The following PRCD variants were observed in gnomAD, a reference collection of about 807,000 sequenced individuals.
PRCD encodes photoreceptor disk component PRCD.
PRCD carries 12 observed loss-of-function variants against 10.1 expected under a neutral mutation model. The ratio of observed to expected loss-of-function variants is 1.18; its 90% CI spans 0.76 to 1.92. PRCD has a LOEUF of 1.92. Among genes scored for constraint, PRCD ranks in the 40% most tolerant of loss-of-function variants. The pLI is 0.00. For synonymous variants in PRCD, 31 were observed against 26.2 expected (o/e 1.18, Z -0.56); for missense variants, 61 against 72.2 (o/e 0.84, Z 0.56).
Position 76,531,110 on chromosome 17 carries a change from G to C in PRCD, n.45+3277G>C. 2 of 1,613,740 alleles carry C rather than the reference G, an allele frequency of 1.2e-6. No individual in the cohort carries two copies. Among genetic ancestry groups the C allele is most frequent in the Non-Finnish European group, 1.7e-6 (2 of 1,179,916 alleles). On this transcript the variant is annotated intron_variant and non_coding_transcript_variant, in intron 1 of 4. Coordinates refer to the PRCD transcript ENST00000397633. The surrounding 1 kb of genome is among the most constrained non-coding windows in gnomAD (Gnocchi z 7.4). ...GTGGGAAGTCACTGGCAAATTCCTC[G>C]GCGACCACCTCCAGAATGACCCCAG...
Position 76,540,664 on chromosome 17 carries a change from C to A in PRCD, c.143+91C>A. On this transcript the variant is annotated intron_variant, in intron 2 of 4. Coordinates refer to ENST00000592014, the MANE Select transcript of PRCD (RefSeq NM_001077620.3). This position sits in a 1 kb window ranked among gnomAD's most constrained non-coding sequence, Gnocchi z 5.0. ...GGGGGTGCACGTGTGTGCCTGTGCGCGCCTGTGCGTGCACCGTATCCTGGC... is the reference window on the plus strand; with the variant it reads ...GGGGGTGCACGTGTGTGCCTGTGCGAGCCTGTGCGTGCACCGTATCCTGGC... 6 of 1,314,462 alleles carry A rather than the reference C, an allele frequency of 4.6e-6. No individual in the cohort carries two copies. Among genetic ancestry groups the A allele is most frequent in the Non-Finnish European group, 6.5e-6 (6 of 919,656 alleles). The allele number at this position is 1,314,462 out of a possible 1,614,324, so 81.4% of individuals were successfully genotyped here.
At chr17:76,537,169 C>T (rs2074925300), upstream of PRCD, among the ~76,000 whole-genome samples, 1 of 152,226 alleles carries the variant, frequency 6.6e-6, no homozygotes. Flanking sequence ...AGGTGCTCTC[C>T]TGCATCTGGT....
Position 76,534,146 on chromosome 17 carries a change from T to TCTCTCTC in PRCD, n.45+6313_45+6314insCTCTCTC, listed in dbSNP as rs2074885915. On this transcript the variant is annotated intron_variant and non_coding_transcript_variant, in intron 1 of 4. Coordinates refer to the PRCD transcript ENST00000397633. ...TCTTTCTTTCTCTCTCTCTTTCTCT[T>TCTCTCTC]TCTCTCTCTCTCTCTCTCTCTCTCT... 1.3e-4 allele frequency among the ~76,000 whole-genome samples: 17 copies of TCTCTCTC among 129,012 alleles called. No homozygotes were observed. The South Asian group carries it at 1.7e-3, about 13-fold the overall frequency. The allele number at this position is 129,012 out of a possible 152,430, so 84.6% of individuals were successfully genotyped here.
chr17:76,545,366 A>G lies in PRCD; in HGVS notation c.*1716A>G, dbSNP rs1208030299. ...TAAATGGGGGAATTAAATCCTGACTATGACACTGTCCCCACTGAGGCTGAG... is the reference window on the plus strand; with the variant it reads ...TAAATGGGGGAATTAAATCCTGACTGTGACACTGTCCCCACTGAGGCTGAG... On this transcript the variant is annotated 3_prime_UTR_variant, in exon 5 of 5. Coordinates refer to ENST00000592014, the MANE Select transcript of PRCD (RefSeq NM_001077620.3). The G allele has an allele frequency of 6.6e-6, 3 of 456,624 alleles. No individual in the cohort carries two copies. Among genetic ancestry groups the G allele is most frequent in the Admixed American group, 4.7e-5 (2 of 42,578 alleles). 28.3% of individuals were successfully genotyped at this position (456,624 alleles called of 1,614,324 possible). A position where few individuals can be genotyped will look rare whatever the true frequency, so the allele number is the denominator to read the frequency against.
chr17:76,528,953 C>T lies in PRCD; in HGVS notation n.45+1120C>T, dbSNP rs138586195. The T allele has an allele frequency of 3.2e-4, 341 of 1,075,088 alleles. 3 individuals carry two copies. The African/African-American group carries it at 5.2e-3, about 16-fold the overall frequency. The allele number at this position is 1,075,088 out of a possible 1,614,324, so 66.6% of individuals were successfully genotyped here. ...TTTTTCCATTAATTCTGAAACGTGG[C>T]GCATTCTGTCCGGCCTGTCTCGTCC... is the stretch of plus-strand genomic sequence containing the variant. On this transcript the variant is annotated intron_variant and non_coding_transcript_variant, in intron 1 of 4. Coordinates refer to the PRCD transcript ENST00000397633. The surrounding 1 kb of genome is among the most constrained non-coding windows in gnomAD (Gnocchi z 5.8).
intron 2 of PRCD, among the ~76,000 whole-genome samples, chr17:76,541,320 C>T (rs917667088): frequency 6.6e-6 from 1 of 152,184 alleles, no homozygotes; most frequent in African/African-American, 2.4e-5. Flanking sequence ...TGAAGAGTGA[C>T]TTTTTTGCTC....
chr17:76,551,694 A>G (rs7207602), intron 1 of PRCD: 148,408 of 152,260 alleles, frequency 0.97, 72,449 homozygotes, highest in Middle Eastern at 1. Flanking sequence ...AATCCTCTAT[A>G]TTTTCATGAC....
rs556402580 is a variant in PRCD at position 76,528,170 on chromosome 17, A to G, written n.45+337A>G. On this transcript the variant is annotated intron_variant and non_coding_transcript_variant, in intron 1 of 4. Coordinates refer to the PRCD transcript ENST00000397633. The surrounding 1 kb of genome is among the most constrained non-coding windows in gnomAD (Gnocchi z 5.8). The stretch of plus-strand genomic sequence containing the variant: ...TATATATAGCTCGTATATAGAATAT[A>G]TCTGTATATATGGTAGATGTGTGCG... The G allele has an allele frequency of 6.8e-4, 269 of 393,190 alleles. 1 individual carries two copies. The highest frequency in any genetic ancestry group is 5.1e-3 in the African/African-American group (246 of 48,456). The allele number at this position is 393,190 out of a possible 1,614,324, so 24.4% of individuals were successfully genotyped here. A position where few individuals can be genotyped will look rare whatever the true frequency, so the allele number is the denominator to read the frequency against.
At chr17:76,538,761 T>C (rs1256425024), upstream of PRCD, among the ~76,000 whole-genome samples, 1 of 152,202 alleles carries the variant, frequency 6.6e-6, no homozygotes, top group Non-Finnish European at 1.5e-5. Context: ...GTGCCTGCCC[T>C]GCAGCGGCTG....
In PRCD at chr17:76,543,114, T is replaced by C. The variant is rs2075011641; in HGVS notation, c.*145T>C. The C allele has an allele frequency of 2.1e-6, 1 of 470,972 alleles. No individual in the cohort carries two copies. The highest frequency in any genetic ancestry group is 4.4e-6 in the Non-Finnish European group (1 of 227,064). 29.2% of individuals were successfully genotyped at this position (470,972 alleles called of 1,614,324 possible). A position where few individuals can be genotyped will look rare whatever the true frequency, so the allele number is the denominator to read the frequency against. ...GAGGGAGAATGGGGGGAAGCAGCAC[T>C]AGAGAAGGTAGACGCCTCCCTCTCA... is the stretch of plus-strand genomic sequence containing the variant. On this transcript the variant is annotated 3_prime_UTR_variant, in exon 4 of 5. Transcript: ENST00000592014.
chr17:76,530,985 G>T lies in PRCD; in HGVS notation n.45+3152G>T, dbSNP rs199829443. On this transcript the variant is annotated intron_variant and non_coding_transcript_variant, in intron 1 of 4. Transcript: ENST00000397633. This position sits in a 1 kb window ranked among gnomAD's most constrained non-coding sequence, Gnocchi z 6.1. Reference sequence around the variant, plus strand: ...CCCTCGCCCGCCTCCTCACGTGGTGGCGTTGGGGACCTGCTGCACCCAGCC... The same window carrying T: ...CCCTCGCCCGCCTCCTCACGTGGTGTCGTTGGGGACCTGCTGCACCCAGCC... The T allele has an allele frequency of 1.1e-5, 17 of 1,602,776 alleles. No individual in the cohort carries two copies. The Admixed American group carries it at 2.5e-4, about 24-fold the overall frequency.
intron 2 of PRCD, 105 bp from the exon 3 acceptor site, chr17:76,542,448 A>C: frequency 7.4e-7 from 1 of 1,342,544 alleles, no homozygotes; most frequent in African/African-American, 1.4e-5. Context: ...CTGCCCCTCA[A>C]TATTGGGGTG....
rs116707366 is a variant in PRCD, at chr17:76,530,181, G to A, written n.45+2348G>A. On this transcript the variant is annotated intron_variant and non_coding_transcript_variant, in intron 1 of 4. Coordinates refer to the PRCD transcript ENST00000397633. This position sits in a 1 kb window ranked among gnomAD's most constrained non-coding sequence, Gnocchi z 6.1. ...TGGCTGACCTCTGCTTCCCATTCCC[G>A]CCTCCGCTCCTCTCCTCCTTCCTAC... 2.4e-3 allele frequency among the ~76,000 whole-genome samples: 368 copies of A among 152,168 alleles called. 2 individuals are homozygous for A. The highest frequency in any genetic ancestry group is 8.1e-3 in the African/African-American group (336 of 41,504).
Position 76,540,259 on chromosome 17 carries a change from G to GCA in PRCD, c.74+44_74+45insCA. On this transcript the variant is annotated intron_variant, in intron 1 of 4. Coordinates refer to ENST00000592014, the MANE Select transcript of PRCD (RefSeq NM_001077620.3). The surrounding 1 kb of genome is among the most constrained non-coding windows in gnomAD (Gnocchi z 5.0). Reference sequence around the variant, plus strand: ...TATGGCTGGCGGTTGGTCGGGGGGGGGGGGCATGGGGCTGGGCTGCCACCA... The same window carrying GCA: ...TATGGCTGGCGGTTGGTCGGGGGGGGCAGGGGCATGGGGCTGGGCTGCCACCA... 3 of 1,026,670 alleles carry GCA rather than the reference G, an allele frequency of 2.9e-6. No homozygotes were observed. The highest frequency in any genetic ancestry group is 4.5e-6 in the Non-Finnish European group (3 of 672,848). The allele number at this position is 1,026,670 out of a possible 1,614,324, so 63.6% of individuals were successfully genotyped here.
downstream of PRCD, chr17:76,545,775 T>G (rs934383208): frequency 5.3e-5 from 12 of 224,348 alleles, no homozygotes; most frequent in Non-Finnish European, 9.0e-5. Context: ...GTGTCCCATA[T>G]ATGTGAGCTG....
chr17:76,539,276 G>A (rs1313303430), upstream of PRCD, among the ~76,000 whole-genome samples: 1 of 152,206 alleles, frequency 6.6e-6, no homozygotes, highest in Non-Finnish European at 1.5e-5. Flanking sequence ...CCCTTGGGAT[G>A]TGGAAAGAAA....
At chr17:76,543,496 G>A (rs985207319) in intron 4 of PRCD, 27 of 348,028 alleles carry the variant, frequency 7.8e-5, no homozygotes, top group Admixed American at 7.7e-5. Flanking sequence ...GCCTGGTAAT[G>A]TTATTATCCA....
upstream of PRCD, chr17:76,537,301 G>A: frequency 1.5e-6 from 2 of 1,320,444 alleles, no homozygotes; most frequent in Non-Finnish European, 2.0e-6. Flanking sequence ...CGCGGCTGGG[G>A]AGGTGGCGCT....
rs2074879806 is a variant in PRCD, at chr17:76,533,890, G to T, written n.45+6057G>T. Reference sequence around the variant, plus strand: ...AGAAAAAAAGAAAAAAATTGGCTGGGTGTGGTGGTGCCCGTCTGTAGTCCT... The same window carrying T: ...AGAAAAAAAGAAAAAAATTGGCTGGTTGTGGTGGTGCCCGTCTGTAGTCCT... On this transcript the variant is annotated intron_variant and non_coding_transcript_variant, in intron 1 of 4. Transcript: ENST00000397633. The surrounding 1 kb of genome is among the most constrained non-coding windows in gnomAD (Gnocchi z 4.5). Among the ~76,000 whole-genome samples, 1 of 152,064 alleles carries T rather than the reference G, an allele frequency of 6.6e-6. No individual in the cohort carries two copies. Among genetic ancestry groups the T allele is most frequent in the Non-Finnish European group, 1.5e-5 (1 of 68,026 alleles).
Sources: gnomAD v4.1 joint callset for allele counts (sites outside exome capture counted in the v4.1 genomes callset) on GRCh38, gnomAD v4.1.1 for gene constraint, Gnocchi (gnomAD v3.1) non-coding constraint, MANE v1.5 for transcripts, NCBI Gene and HGNC (gene_info 2026-07-23, HGNC 2026-07-21) for gene names.